The following PLGRKT variants were observed in gnomAD, a reference collection of about 807,000 sequenced individuals.
The protein encoded by PLGRKT is plasminogen receptor (KT).
PLGRKT carries 22 observed loss-of-function variants against 18.5 expected under a neutral mutation model. The ratio of observed to expected loss-of-function variants is 1.19; its 90% CI spans 0.85 to 1.70. PLGRKT has a LOEUF of 1.70. Ranked by LOEUF, PLGRKT falls within the 40% of genes most tolerant of loss-of-function variation. The pLI is 0.00. For synonymous variants in PLGRKT, 72 were observed against 52.8 expected (o/e 1.36, Z -1.58); for missense variants, 235 against 174.4 (o/e 1.35, Z -1.96).
At chr9:5,421,522 G>A (rs1417346286) in intron 3 of PLGRKT, among the ~76,000 whole-genome samples, 1 of 152,164 alleles carries the variant, frequency 6.6e-6, no homozygotes, top group Non-Finnish European at 1.5e-5. Flanking sequence ...TCACTATTAT[G>A]TCTCCCCATC....
At position 5,385,499 on chromosome 9, in the gene PLGRKT, T is replaced by A. The variant is rs919842666; in HGVS notation, c.82-23611A>T. Among the ~76,000 whole-genome samples the A allele has an allele frequency of 4.0e-5, 6 of 151,810 alleles. 1 individual carries two copies. The highest frequency in any genetic ancestry group is 1.5e-4 in the African/African-American group (6 of 41,108). ...CCTGGCCAAGATCATTTTTTAACTC[T>A]GGAATAATTAAAAGATTCCCCTGTC... is the stretch of plus-strand genomic sequence containing the variant. On this transcript the variant is annotated intron_variant, in intron 3 of 5. Transcript: ENST00000223864.
chr9:5,417,011 G>A (rs1316365341), intron 3 of PLGRKT, among the ~76,000 whole-genome samples: 1 of 152,174 alleles, frequency 6.6e-6, no homozygotes, highest in Non-Finnish European at 1.5e-5. Context: ...TTTTTAGTAG[G>A]CTCTTTAAAC....
chr9:5,374,770 T>G (rs1377581177), intron 3 of PLGRKT, among the ~76,000 whole-genome samples: 2 of 152,262 alleles, frequency 1.3e-5, no homozygotes, highest in African/African-American at 4.8e-5. Flanking sequence ...GTATTCATTT[T>G]TAGTTATCCA....
At chr9:5,398,754 A>G (rs1818100248) in intron 3 of PLGRKT, among the ~76,000 whole-genome samples, 1 of 151,904 alleles carries the variant, frequency 6.6e-6, no homozygotes, top group African/African-American at 2.4e-5. Flanking sequence ...TTTTTAAAAG[A>G]AGGCGCCACA....
At chr9:5,361,638 A>T in intron 4 of PLGRKT, 120 bp downstream of exon 4, 1 of 874,030 alleles carries the variant, frequency 1.1e-6, no homozygotes, top group Non-Finnish European at 1.8e-6. Context: ...TTAATAGGTT[A>T]CTTTGGTTAC....
intron 3 of PLGRKT, among the ~76,000 whole-genome samples, chr9:5,424,668 T>TTATATATATATATATATATATACA (rs1818655538): frequency 8.8e-6 from 1 of 113,160 alleles, no homozygotes; most frequent in African/African-American, 4.1e-5. Context: ...ATTATATATT[T>TTATATATATATATATATATATACA]TATATATATA....
chr9:5,392,326 A>G (rs1334909349), intron 3 of PLGRKT: 1 of 151,948 alleles, frequency 6.6e-6, no homozygotes, highest in Non-Finnish European at 1.5e-5. Context: ...GCCATTGACA[A>G]TCAGTCCCAG....
chr9:5,428,129 A>G (rs1250993257), intron 3 of PLGRKT, among the ~76,000 whole-genome samples: 1 of 152,180 alleles, frequency 6.6e-6, no homozygotes, highest in African/African-American at 2.4e-5. Flanking sequence ...GAGCTGAAAT[A>G]AATGGTGTTA....
At chr9:5,417,966 A>G (rs1818495994) in intron 3 of PLGRKT, among the ~76,000 whole-genome samples, 1 of 152,246 alleles carries the variant, frequency 6.6e-6, no homozygotes, top group African/African-American at 2.4e-5. Context: ...TGCAGGTTTA[A>G]TTCTACTTGC....
rs541067089 is a variant in PLGRKT at position 5,385,815 on chromosome 9, G to C, written c.82-23927C>G. Among the ~76,000 whole-genome samples the C allele has an allele frequency of 9.2e-5, 14 of 152,018 alleles. 1 individual carries two copies. The highest frequency in any genetic ancestry group is 2.4e-4 in the African/African-American group (10 of 41,288). On this transcript the variant is annotated intron_variant, in intron 3 of 5. Coordinates refer to ENST00000223864, the MANE Select transcript of PLGRKT (RefSeq NM_018465.4). The stretch of plus-strand genomic sequence containing the variant: ...AAAGACACTGACAGTGTTTCCTCCA[G>C]AATATATTTCCTAGGATGTTTATAC...
intron 3 of PLGRKT, among the ~76,000 whole-genome samples, chr9:5,396,036 G>A (rs1818039872): frequency 6.6e-6 from 1 of 151,418 alleles, no homozygotes; most frequent in Non-Finnish European, 1.5e-5. Flanking sequence ...TGGGATTACA[G>A]GTGCCCGCCA....
rs553282394 is a variant in PLGRKT, at chr9:5,422,415, C to T, written c.81+9482G>A. ...GAAGAATGAAATAGAAGAATATGCT[C>T]AGAAATACCATGAGGAGGCAATCAG... On this transcript the variant is annotated intron_variant, in intron 3 of 5. Transcript: ENST00000223864. Among the ~76,000 whole-genome samples the T allele has an allele frequency of 8.3e-4, 126 of 152,248 alleles. 1 individual carries two copies. The highest frequency in any genetic ancestry group is 3.0e-3 in the African/African-American group (123 of 41,528).
chr9:5,432,846 C>G (rs1483049952), intron 2 of PLGRKT, among the ~76,000 whole-genome samples: 1 of 152,194 alleles, frequency 6.6e-6, no homozygotes, highest in Admixed American at 6.5e-5. Flanking sequence ...CGGCTGGCTA[C>G]AACCTCCACC....
At chr9:5,379,868 TC>T (rs1318008882) in intron 3 of PLGRKT, among the ~76,000 whole-genome samples, 2 of 152,210 alleles carry the variant, frequency 1.3e-5, no homozygotes, top group African/African-American at 2.4e-5. Flanking sequence ...TAGAAAATCT[TC>T]ATGCTTTTCT....
chr9:5,394,604 A>G (rs1345002721), intron 3 of PLGRKT, among the ~76,000 whole-genome samples: 4 of 151,772 alleles, frequency 2.6e-5, no homozygotes, highest in Admixed American at 1.3e-4. Context: ...GTAGAGGCAG[A>G]GTCTCACCAT....
chr9:5,385,587 C>G (rs1467753935), intron 3 of PLGRKT, among the ~76,000 whole-genome samples: 1 of 151,756 alleles, frequency 6.6e-6, no homozygotes. Flanking sequence ...CCCAGTGGCT[C>G]ACATACTTGC....
intron 3 of PLGRKT, among the ~76,000 whole-genome samples, chr9:5,381,646 C>A (rs1817748574): frequency 4.6e-5 from 7 of 151,964 alleles, no homozygotes; most frequent in Admixed American, 4.6e-4. Context: ...TAAATAACTA[C>A]CTGAGACTGT....
chr9:5,397,292 C>G (rs568761198), intron 3 of PLGRKT, among the ~76,000 whole-genome samples: 1 of 151,930 alleles, frequency 6.6e-6, no homozygotes, highest in Non-Finnish European at 1.5e-5. Flanking sequence ...TTTCCCCTCA[C>G]TTTATTCACG....
At chr9:5,361,238 A>G (rs1817258633) in intron 4 of PLGRKT, 51 bp from the exon 5 acceptor site, 1 of 1,022,712 alleles carries the variant, frequency 9.8e-7, no homozygotes, top group Non-Finnish European at 1.5e-6. Flanking sequence ...ACCTGTAAAT[A>G]CATATCTGTA....
Sources: gnomAD v4.1 joint callset for allele counts (sites outside exome capture counted in the v4.1 genomes callset) on GRCh38, gnomAD v4.1.1 for gene constraint, MANE v1.5 for transcripts, NCBI Gene and HGNC (gene_info 2026-07-23, HGNC 2026-07-21) for gene names.